Variants in H2BC8 observed in about 807,000 individuals in gnomAD.
The protein encoded by H2BC8 is H2B clustered histone 8, also known as histone H2B type 1-C/E/F/G/I.
H2BC8 carries 11 observed loss-of-function variants against 6.3 expected under a neutral mutation model. The observed-to-expected ratio is 1.75, with a 90% confidence interval of 1.10 to 2.89. H2BC8 has a LOEUF of 2.89. H2BC8 is among the 30% of genes most tolerant of loss of function. The pLI is 0.00. For missense variants in H2BC8, 195 were observed against 165.2 expected (o/e 1.18, Z -0.99); for synonymous variants, 150 against 65.8 (o/e 2.28, Z -6.19).
rs1002538521 is a variant in H2BC8 at position 26,216,563 on chromosome 6, G to A, written c.81C>T (p.Gly27=). ...KAVTKAQKKD[G]KKRKRSRKES... ...CCTTACGACTGCGCTTGCGCTTCTT[G>A]CCATCCTTCTTCTGCGCCTTGGTCA... is the stretch of plus-strand genomic sequence containing the variant. Residue 27 remains glycine, a synonymous_variant, in exon 1 of 1, where the codon GGC becomes GGT. Coordinates refer to ENST00000541790, the MANE Select transcript of H2BC8 (RefSeq NM_003518.4). 2.5e-6 allele frequency: 4 copies of A among 1,614,200 alleles called. No homozygotes were observed. In the South Asian group the frequency reaches 4.4e-5, roughly 18 times the overall value.
At position 26,216,665 on chromosome 6, in the gene H2BC8, C is replaced by G. The variant is rs373496387; in HGVS notation, c.-22G>C. Reference sequence around the variant, plus strand: ...GCATGCTGTCAGAAAACAATAACAGCAGTGAGAATGAACGCACTTAAATAA... The same window carrying G: ...GCATGCTGTCAGAAAACAATAACAGGAGTGAGAATGAACGCACTTAAATAA... On this transcript the variant is annotated 5_prime_UTR_variant, in exon 1 of 1. Coordinates refer to ENST00000541790, the MANE Select transcript of H2BC8 (RefSeq NM_003518.4). The G allele has an allele frequency of 4.4e-5, 71 of 1,596,314 alleles. No individual in the cohort carries two copies. The highest frequency in any genetic ancestry group is 1.8e-4 in the South Asian group (16 of 88,794).
chr6:26,216,420 G>A lies in H2BC8; in HGVS notation c.224C>T (p.Ala75Val). Reference protein sequence around the residue: ...SFVNDIFERIAGEASRLAHYN... With the variant: ...SFVNDIFERIVGEASRLAHYN... ...GTGGGCCAGACGGGAAGCCTCGCCT[G>A]CGATGCGTTCGAAGATGTCGTTAAC... The change falls in exon 1 of 1, where the codon GCA (alanine) becomes GTA (valine). Residue 75 changes from alanine to valine, a missense_variant. Physicochemically the swap from Ala to Val is moderately conservative, Grantham distance 64. Transcript: ENST00000541790. 1 of 1,614,230 alleles carries A rather than the reference G, an allele frequency of 6.2e-7. No homozygotes were observed. The highest frequency in any genetic ancestry group is 8.5e-7 in the Non-Finnish European group (1 of 1,180,046).
Position 26,216,508 on chromosome 6 carries a change from G to A in H2BC8, c.136C>T (p.Leu46=), listed in dbSNP as rs917124001. Residue 46 remains leucine, a synonymous_variant, in exon 1 of 1, where the codon CTA becomes TTA. Transcript: ENST00000541790. ...ESYSVYVYKV[L]KQVHPDTGIS... is the part of the protein sequence containing the mutation. Reference sequence around the variant, plus strand: ...CCAGTATCGGGGTGAACCTGTTTTAGCACCTTGTACACATACACGGAGTAG... The same window carrying A: ...CCAGTATCGGGGTGAACCTGTTTTAACACCTTGTACACATACACGGAGTAG... The A allele has an allele frequency of 1.4e-5, 22 of 1,614,082 alleles. 1 individual carries two copies. Among genetic ancestry groups the A allele is most frequent in the South Asian group, 3.3e-5 (3 of 91,092 alleles).
In H2BC8 at chr6:26,216,661, A is replaced by G; in HGVS notation, c.-18T>C. The G allele has an allele frequency of 2.5e-6, 4 of 1,599,324 alleles. No homozygotes were observed. The highest frequency in any genetic ancestry group is 1.7e-4 in the Middle Eastern group (1 of 5,978). On this transcript the variant is annotated 5_prime_UTR_variant, in exon 1 of 1. Coordinates refer to ENST00000541790, the MANE Select transcript of H2BC8 (RefSeq NM_003518.4). Reference sequence around the variant, plus strand: ...TCAGGCATGCTGTCAGAAAACAATAACAGCAGTGAGAATGAACGCACTTAA... The same window carrying G: ...TCAGGCATGCTGTCAGAAAACAATAGCAGCAGTGAGAATGAACGCACTTAA...
rs767852202 is a variant in H2BC8 at position 26,216,239 on chromosome 6, G to C, written c.*24C>G. 6.4e-7 allele frequency: 1 copy of C among 1,555,928 alleles called. No homozygotes were observed. Among genetic ancestry groups the C allele is most frequent in the African/African-American group, 1.4e-5 (1 of 73,006 alleles). On this transcript the variant is annotated 3_prime_UTR_variant, in exon 1 of 1. Transcript: ENST00000541790. ...GAGTGGCTCTGAAAAGAGCCTTTGA[G>C]TTTTAAAGCACCTAAGCACACATTT...
rs1254161770 is a variant in H2BC8 at position 26,216,544 on chromosome 6, G to A, written c.100C>T (p.Arg34Cys). ...KKDGKKRKRS[R>C]KESYSVYVYK... Reference sequence around the variant, plus strand: ...ACATACACGGAGTAGCTCTCCTTACGACTGCGCTTGCGCTTCTTGCCATCC... The same window carrying A: ...ACATACACGGAGTAGCTCTCCTTACAACTGCGCTTGCGCTTCTTGCCATCC... Residue 34 changes from arginine to cysteine, a missense_variant, in exon 1 of 1, where the codon CGT becomes TGT. Coordinates refer to ENST00000541790, the MANE Select transcript of H2BC8 (RefSeq NM_003518.4). 3 of 1,614,096 alleles carry A rather than the reference G, an allele frequency of 1.9e-6. No homozygotes were observed. Among genetic ancestry groups the A allele is most frequent in the African/African-American group, 2.7e-5 (2 of 74,934 alleles).
In H2BC8 at chr6:26,216,599, G is replaced by T; in HGVS notation, c.45C>A (p.Ser15=). Residue 15 remains serine (S), a synonymous_variant, in exon 1 of 1, where the codon TCC becomes TCA. Coordinates refer to ENST00000541790, the MANE Select transcript of H2BC8 (RefSeq NM_003518.4). The part of the protein sequence containing the change: ...AKSAPAPKKG[S]KKAVTKAQKK... ...TCTGCGCCTTGGTCACAGCCTTCTT[G>T]GAACCCTTCTTCGGAGCAGGAGCTG... 1 of 1,614,122 alleles carries T rather than the reference G, an allele frequency of 6.2e-7. No homozygotes were observed. Among genetic ancestry groups the T allele is most frequent in the South Asian group, 1.1e-5 (1 of 91,080 alleles).
Position 26,216,381 on chromosome 6 carries a change from G to GA in H2BC8, c.262dup (p.Ser88PhefsTer61), listed in dbSNP as rs1377424586. 1.9e-6 allele frequency: 3 copies of GA among 1,614,028 alleles called. No individual in the cohort carries two copies. The highest frequency in any genetic ancestry group is 2.5e-6 in the Non-Finnish European group (3 of 1,180,034). ...CTGGATCTCCCTGGAGGTAATGGTC[G>GA]AGCGCTTGTTGTAGTGGGCCAGACG... On this transcript the variant is annotated frameshift_variant, in exon 1 of 1. Transcript: ENST00000541790. LOFTEE classifies it high-confidence loss of function.
At position 26,216,601 on chromosome 6, in the gene H2BC8, A is replaced by T. The variant is rs1197692186; in HGVS notation, c.43T>A (p.Ser15Thr). ...AKSAPAPKKG[S>T]KKAVTKAQKK... ...TGCGCCTTGGTCACAGCCTTCTTGGAACCCTTCTTCGGAGCAGGAGCTGAC... is the reference window on the plus strand; with the variant it reads ...TGCGCCTTGGTCACAGCCTTCTTGGTACCCTTCTTCGGAGCAGGAGCTGAC... The change falls in exon 1 of 1, where the codon TCC becomes ACC. Residue 15 changes from serine (S) to threonine (T), a missense_variant. Transcript: ENST00000541790. The T allele has an allele frequency of 2.5e-6, 4 of 1,614,140 alleles. No individual in the cohort carries two copies. In the South Asian group the frequency reaches 3.3e-5, roughly 13 times the overall value.
rs760271385 is a variant in H2BC8 at position 26,216,289 on chromosome 6, C to CA, written c.354dup (p.Val119CysfsTer30). ...TACTTGGAGCTTGTATACTTGGTGA[C>CA]AGCCTTGGTACCTTCGGACACTGCG... On this transcript the variant is annotated frameshift_variant, in exon 1 of 1. Coordinates refer to ENST00000541790, the MANE Select transcript of H2BC8 (RefSeq NM_003518.4). LOFTEE classifies it high-confidence loss of function. The CA allele has an allele frequency of 1.2e-6, 2 of 1,609,712 alleles. No homozygotes were observed. Among genetic ancestry groups the CA allele is most frequent in the South Asian group, 2.2e-5 (2 of 90,616 alleles).
Position 26,216,445 on chromosome 6 carries a change from C to G in H2BC8, c.199G>C (p.Val67Leu). ...SKAMGIMNSFVNDIFERIAGE... is the reference protein window; with the variant it reads ...SKAMGIMNSFLNDIFERIAGE... ...GCGATGCGTTCGAAGATGTCGTTAACGAAGGAATTCATGATGCCCATGGCC... is the reference window on the plus strand; with the variant it reads ...GCGATGCGTTCGAAGATGTCGTTAAGGAAGGAATTCATGATGCCCATGGCC... Residue 67 changes from valine to leucine, a missense_variant, in exon 1 of 1, where the codon GTT becomes CTT. Physicochemically the swap from Val to Leu is conservative, Grantham distance 32. Transcript: ENST00000541790. 7 of 1,614,220 alleles carry G rather than the reference C, an allele frequency of 4.3e-6. No individual in the cohort carries two copies. Among genetic ancestry groups the G allele is most frequent in the Non-Finnish European group, 5.9e-6 (7 of 1,180,044 alleles).
Position 26,216,583 on chromosome 6 carries a change from T to G in H2BC8, c.61A>C (p.Lys21Gln). The change falls in exon 1 of 1, where the codon AAG (lysine) becomes CAG (glutamine). Residue 21 changes from lysine to glutamine, a missense_variant. By Grantham distance (53) the Lys-to-Gln change is moderately conservative. Transcript: ENST00000541790. Reference protein sequence around the residue: ...PKKGSKKAVTKAQKKDGKKRK... With the variant: ...PKKGSKKAVTQAQKKDGKKRK... ...TTCTTGCCATCCTTCTTCTGCGCCT[T>G]GGTCACAGCCTTCTTGGAACCCTTC... The G allele has an allele frequency of 6.2e-7, 1 of 1,614,230 alleles. No homozygotes were observed. The highest frequency in any genetic ancestry group is 1.1e-5 in the South Asian group (1 of 91,086).
chr6:26,216,568 C>T lies in H2BC8; in HGVS notation c.76G>A (p.Asp26Asn), dbSNP rs1561989352. 5.0e-6 allele frequency: 8 copies of T among 1,614,236 alleles called. No individual in the cohort carries two copies. The highest frequency in any genetic ancestry group is 1.7e-5 in the Admixed American group (1 of 60,028). ...CGACTGCGCTTGCGCTTCTTGCCATCCTTCTTCTGCGCCTTGGTCACAGCC... is the reference window on the plus strand; with the variant it reads ...CGACTGCGCTTGCGCTTCTTGCCATTCTTCTTCTGCGCCTTGGTCACAGCC... ...KKAVTKAQKK[D>N]GKKRKRSRKE... The change falls in exon 1 of 1, where the codon GAT becomes AAT. Residue 26 changes from aspartate to asparagine, a missense_variant. Coordinates refer to ENST00000541790, the MANE Select transcript of H2BC8 (RefSeq NM_003518.4).
chr6:26,216,446 G>T lies in H2BC8; in HGVS notation c.198C>A (p.Phe66Leu). 1 of 1,614,218 alleles carries T rather than the reference G, an allele frequency of 6.2e-7. No individual in the cohort carries two copies. Among genetic ancestry groups the T allele is most frequent in the Non-Finnish European group, 8.5e-7 (1 of 1,180,040 alleles). The change falls in exon 1 of 1, where the codon TTC becomes TTA. Residue 66 changes from phenylalanine (F) to leucine (L), a missense_variant. Physicochemically the swap from Phe to Leu is conservative, Grantham distance 22. Coordinates refer to ENST00000541790, the MANE Select transcript of H2BC8 (RefSeq NM_003518.4). The stretch of plus-strand genomic sequence containing the variant: ...CGATGCGTTCGAAGATGTCGTTAAC[G>T]AAGGAATTCATGATGCCCATGGCCT... Reference protein sequence around the residue: ...SSKAMGIMNSFVNDIFERIAG... With the variant: ...SSKAMGIMNSLVNDIFERIAG...
In H2BC8 at chr6:26,216,305, G is replaced by A. The variant is rs186981469; in HGVS notation, c.339C>T (p.Ser113=). The A allele has an allele frequency of 1.9e-6, 3 of 1,613,094 alleles. No homozygotes were observed. The highest frequency in any genetic ancestry group is 4.5e-5 in the East Asian group (2 of 44,884). The change falls in exon 1 of 1, where the codon TCC becomes TCT. Residue 113 remains serine, a synonymous_variant. Transcript: ENST00000541790. ...LPGELAKHAV[S]EGTKAVTKYT... ...ACTTGGTGACAGCCTTGGTACCTTC[G>A]GACACTGCGTGCTTGGCCAGCTCTC... is the stretch of plus-strand genomic sequence containing the variant.
chr6:26,216,653 A>G lies in H2BC8; in HGVS notation c.-10T>C, dbSNP rs779528817. ...TAGCTGGTTCAGGCATGCTGTCAGA[A>G]AACAATAACAGCAGTGAGAATGAAC... On this transcript the variant is annotated 5_prime_UTR_variant, in exon 1 of 1. Coordinates refer to ENST00000541790, the MANE Select transcript of H2BC8 (RefSeq NM_003518.4). 6.2e-7 allele frequency: 1 copy of G among 1,606,580 alleles called. No individual in the cohort carries two copies. Among genetic ancestry groups the G allele is most frequent in the East Asian group, 2.2e-5 (1 of 44,822 alleles).
At position 26,216,470 on chromosome 6, in the gene H2BC8, C is replaced by T. The variant is rs372917727; in HGVS notation, c.174G>A (p.Lys58=). 1.9e-5 allele frequency: 30 copies of T among 1,614,098 alleles called. No homozygotes were observed. The highest frequency in any genetic ancestry group is 4.5e-5 in the East Asian group (2 of 44,890). ...QVHPDTGISS[K]AMGIMNSFVN... is the part of the protein sequence containing the mutation. ...CGAAGGAATTCATGATGCCCATGGC[C>T]TTGGATGAGATGCCAGTATCGGGGT... The change falls in exon 1 of 1, where the codon AAG becomes AAA. Residue 58 remains lysine (K), a synonymous_variant. Transcript: ENST00000541790.
In H2BC8 at chr6:26,216,360, A is replaced by C. The variant is rs772022131; in HGVS notation, c.284T>G (p.Ile95Ser). 2 of 1,613,996 alleles carry C rather than the reference A, an allele frequency of 1.2e-6. No homozygotes were observed. Among genetic ancestry groups the C allele is most frequent in the Admixed American group, 1.7e-5 (1 of 60,002 alleles). Residue 95 changes from isoleucine (I) to serine (S), a missense_variant, in exon 1 of 1, where the codon ATC becomes AGC. Transcript: ENST00000541790. ...NKRSTITSREIQTAVRLLLPG... is the reference protein window; with the variant it reads ...NKRSTITSRESQTAVRLLLPG... ...AAGCAGCAGACGCACGGCGGTCTGG[A>C]TCTCCCTGGAGGTAATGGTCGAGCG...
In H2BC8 at chr6:26,216,416, G is replaced by C; in HGVS notation, c.228C>G (p.Gly76=). 3 of 1,614,170 alleles carry C rather than the reference G, an allele frequency of 1.9e-6. No homozygotes were observed. The highest frequency in any genetic ancestry group is 2.5e-6 in the Non-Finnish European group (3 of 1,180,040). The part of the protein sequence containing the change: ...FVNDIFERIA[G]EASRLAHYNK... ...TGTAGTGGGCCAGACGGGAAGCCTC[G>C]CCTGCGATGCGTTCGAAGATGTCGT... is the stretch of plus-strand genomic sequence containing the variant. The change falls in exon 1 of 1, where the codon GGC becomes GGG. Residue 76 remains glycine (G), a synonymous_variant. Transcript: ENST00000541790.
Sources: allele counts gnomAD v4.1 joint callset, GRCh38; gene constraint gnomAD v4.1.1; transcripts MANE v1.5; gene names NCBI Gene and HGNC (gene_info 2026-07-23, HGNC 2026-07-21).